FNDC1: variants seen among roughly 807,000 people sequenced by gnomAD.
FNDC1 encodes fibronectin type III domain containing 1, also known as fibronectin type III domain-containing protein 1.
In FNDC1, 96 loss-of-function variants were observed where a neutral mutation model predicts 168.0. The observed-to-expected ratio is 0.57, with a 90% CI of 0.48 to 0.68. The LOEUF is 0.68. Among genes scored for constraint, FNDC1 ranks in the 30% least tolerant of loss-of-function variants. The pLI, the probability that FNDC1 is intolerant of heterozygous loss-of-function variation, is 0.00. For missense variants in FNDC1, 2,587 were observed against 2,482.1 expected (o/e 1.04, Z -0.90); for synonymous variants, 1,099 against 1,025.9 (o/e 1.07, Z -1.36).
At chr6:159,220,379 T>A (rs1782796915) in intron 5 of FNDC1, among the ~76,000 whole-genome samples, 1 of 152,216 alleles carries the variant, frequency 6.6e-6, no homozygotes, top group African/African-American at 2.4e-5. Context: ...GTTAACTTAC[T>A]TAGGTCCTAC....
intron 1 of FNDC1, among the ~76,000 whole-genome samples, chr6:159,186,368 A>G (rs1373661844): frequency 6.6e-6 from 1 of 152,234 alleles, no homozygotes; most frequent in Non-Finnish European, 1.5e-5. Context: ...AACTTTGTCC[A>G]TAAGGAGCCA....
intron 5 of FNDC1, among the ~76,000 whole-genome samples, chr6:159,218,137 G>A (rs1219013071): frequency 6.6e-6 from 1 of 152,226 alleles, no homozygotes; most frequent in Non-Finnish European, 1.5e-5. Flanking sequence ...ACACACTAAA[G>A]TGGCACTTAG....
intron 18 of FNDC1, among the ~76,000 whole-genome samples, chr6:159,257,732 G>T (rs1314830440): frequency 6.6e-6 from 1 of 152,170 alleles, no homozygotes; most frequent in East Asian, 1.9e-4. Context: ...CTTGAGCTGA[G>T]CTTTCATAAA....
intron 8 of FNDC1, 83 bp from the exon 9 acceptor site, chr6:159,226,390 G>A: frequency 1.9e-6 from 2 of 1,036,372 alleles, no homozygotes; most frequent in Non-Finnish European, 2.8e-6. Context: ...TTAAAAAAAT[G>A]TGTACCTAGA....
In FNDC1 at chr6:159,232,814, T is replaced by C; in HGVS notation, c.2302T>C (p.Ser768Pro). 6.2e-7 allele frequency: 1 copy of C among 1,613,940 alleles called. No individual in the cohort carries two copies. Among genetic ancestry groups the C allele is most frequent in the Non-Finnish European group, 8.5e-7 (1 of 1,179,894 alleles). The change falls in exon 11 of 23, where the codon TCT (serine) becomes CCT (proline). Residue 768 changes from serine to proline, a missense_variant. By Grantham distance (74) the Ser-to-Pro change is moderately conservative. Transcript: ENST00000297267. The surrounding 1 kb of genome is among the most constrained non-coding windows in gnomAD (Gnocchi z 4.9). ...PSRSTMSSSV[S>P]SHLSSRTQVS... is the part of the protein sequence containing the mutation. ...ACGGTCCACCATGTCCTCCTCCGTC[T>C]CTTCTCATCTCTCGTCCAGGACGCA...
rs759587978 is a variant in FNDC1, at chr6:159,239,858, C to T, written c.4522C>T (p.Pro1508Ser). The change falls in exon 14 of 23, where the codon CCC becomes TCC. Residue 1508 changes from proline (P) to serine (S), a missense_variant. Physicochemically the swap from Pro to Ser is moderately conservative, Grantham distance 74. Transcript: ENST00000297267. ...TTTTTPTPTT[P>S]IPTCPPGTLE... ...CACCACCACCCCCACACCCACCACT[C>T]CCATCCCCACCTGTCCCCCTGGGAC... 2 of 1,549,994 alleles carry T rather than the reference C, an allele frequency of 1.3e-6. No individual in the cohort carries two copies. The highest frequency in any genetic ancestry group is 2.0e-5 in the Admixed American group (1 of 50,902).
In FNDC1 at chr6:159,223,566, C is replaced by T. The variant is rs778194307; in HGVS notation, c.805C>T (p.Arg269Trp). ...ELDVPDDISV[R>W]VMSSQSVLVS... ...GGATGTACCTGACGACATCAGCGTC[C>T]GGGTTATGTCATCTCAGTCTGTGCT... The change falls in exon 7 of 23, where the codon CGG becomes TGG. Residue 269 changes from arginine to tryptophan, a missense_variant. Arg to Trp is a moderately radical substitution (Grantham distance 101). Coordinates refer to ENST00000297267, the MANE Select transcript of FNDC1 (RefSeq NM_032532.3). 49 of 1,613,382 alleles carry T rather than the reference C, an allele frequency of 3.0e-5. No individual in the cohort carries two copies. Among genetic ancestry groups the T allele is most frequent in the Admixed American group, 5.0e-5 (3 of 59,972 alleles).
chr6:159,179,004 C>T (rs936023969), intron 1 of FNDC1, among the ~76,000 whole-genome samples: 6 of 152,210 alleles, frequency 3.9e-5, no homozygotes, highest in African/African-American at 1.4e-4. Flanking sequence ...ACAAGTTTTC[C>T]AGACTGTGCA....
Position 159,200,074 on chromosome 6 carries a change from GC to G in FNDC1, c.386del (p.Pro129HisfsTer77). On this transcript the variant is annotated frameshift_variant, in exon 3 of 23. Coordinates refer to ENST00000297267, the MANE Select transcript of FNDC1 (RefSeq NM_032532.3). LOFTEE classifies it high-confidence loss of function. ...GVSRPVYRAESPPGGEWIEID... is the reference protein window; with the variant it reads ...GVSRPVYRAEXPPGGEWIEID... ...AGCCGTCCTGTTTACAGAGCTGAAA[GC>G]CCACCTGGTAAGTCCTATCTAGAAT... 6.3e-7 allele frequency: 1 copy of G among 1,595,214 alleles called. No individual in the cohort carries two copies. The highest frequency in any genetic ancestry group is 8.5e-7 in the Non-Finnish European group (1 of 1,170,332).
At chr6:159,268,027 G>T in intron 22 of FNDC1, 101 bp downstream of exon 22, 1 of 1,245,010 alleles carries the variant, frequency 8.0e-7, no homozygotes, top group Non-Finnish European at 1.1e-6. Context: ...CTTGTCATTC[G>T]AAGATGGATG....
chr6:159,173,240 C>T (rs1562624179), intron 1 of FNDC1, among the ~76,000 whole-genome samples: 1 of 151,132 alleles, frequency 6.6e-6, no homozygotes, highest in Non-Finnish European at 1.5e-5. Flanking sequence ...GTGTGAGTGG[C>T]AGTGCTGTCC....
intron 1 of FNDC1, among the ~76,000 whole-genome samples, chr6:159,183,723 C>A (rs774975362): frequency 1.3e-5 from 2 of 152,124 alleles, no homozygotes; most frequent in African/African-American, 4.8e-5. Context: ...GTGTGGCATC[C>A]CAGAAGCTAG....
Position 159,221,778 on chromosome 6 carries a change from T to C in FNDC1, c.766+82T>C. On this transcript the variant is annotated intron_variant, in intron 6 of 22. Coordinates refer to ENST00000297267, the MANE Select transcript of FNDC1 (RefSeq NM_032532.3). ...TTTCCAAATGATGCTGGCTGAATGA[T>C]GAATTACATGAATTTTATTGAGGCT... 7.6e-6 allele frequency: 8 copies of C among 1,054,880 alleles called. No homozygotes were observed. The South Asian group carries it at 9.2e-5, about 12-fold the overall frequency. The allele number at this position is 1,054,880 out of a possible 1,614,324, so 65.3% of individuals were successfully genotyped here.
Position 159,221,746 on chromosome 6 carries a change from T to C in FNDC1, c.766+50T>C, listed in dbSNP as rs770897654. ...TCAAACCATAGTCTGGTATGAATGC[T>C]ATGTTGTTTCCAAATGATGCTGGCT... On this transcript the variant is annotated intron_variant, in intron 6 of 22. Transcript: ENST00000297267. The C allele has an allele frequency of 1.8e-5, 24 of 1,351,950 alleles. 1 individual carries two copies. Among genetic ancestry groups the C allele is most frequent in the Middle Eastern group, 1.8e-4 (1 of 5,598 alleles). 83.7% of individuals were successfully genotyped at this position (1,351,950 alleles called of 1,614,324 possible).
At chr6:159,269,455 CATCTATCTATCTATCTATCTATCTATCT>C (rs71033526) in intron 22 of FNDC1, among the ~76,000 whole-genome samples, 5 of 93,942 alleles carry the variant, frequency 5.3e-5, no homozygotes, top group African/African-American at 7.8e-5. Context: ...TACCTATTCA[CATCTATCTATCTATCTATCTATCTATCT>C]ATCTATCTAT....
At position 159,246,983 on chromosome 6, in the gene FNDC1, T is replaced by C. The variant is rs1445667948; in HGVS notation, c.4690+14T>C. 1 of 1,564,432 alleles carries C rather than the reference T, an allele frequency of 6.4e-7. No individual in the cohort carries two copies. The highest frequency in any genetic ancestry group is 8.8e-7 in the Non-Finnish European group (1 of 1,134,714). On this transcript the variant is annotated intron_variant, in intron 15 of 22. Coordinates refer to ENST00000297267, the MANE Select transcript of FNDC1 (RefSeq NM_032532.3). ...TATATGATGAAGGTACAAACTGGCTTTTGAAAAATTATTTGCACACTTTCT... is the reference window on the plus strand; with the variant it reads ...TATATGATGAAGGTACAAACTGGCTCTTGAAAAATTATTTGCACACTTTCT...
At chr6:159,254,600 C>G (rs987333692) in intron 17 of FNDC1, among the ~76,000 whole-genome samples, 1 of 150,982 alleles carries the variant, frequency 6.6e-6, no homozygotes, top group Non-Finnish European at 1.5e-5. Context: ...CCCAGCTACT[C>G]GGGAGGCTGA....
chr6:159,174,796 A>G (rs967202243), intron 1 of FNDC1, among the ~76,000 whole-genome samples: 3 of 152,176 alleles, frequency 2.0e-5, no homozygotes, highest in Admixed American at 6.5e-5. Context: ...GCAGGCCTCC[A>G]CCAAAGATGC....
chr6:159,183,436 T>C (rs2114927015), intron 1 of FNDC1, among the ~76,000 whole-genome samples: 1 of 152,286 alleles, frequency 6.6e-6, no homozygotes, highest in East Asian at 1.9e-4. Context: ...CTGCGTTCTT[T>C]GGGTGGAGAT....
Sources: allele counts gnomAD v4.1 joint callset (sites outside exome capture counted in the v4.1 genomes callset), GRCh38; gene constraint gnomAD v4.1.1; non-coding constraint Gnocchi (gnomAD v3.1); transcripts MANE v1.5; gene names NCBI Gene and HGNC (gene_info 2026-07-23, HGNC 2026-07-21).